ASB4: variants seen among roughly 807,000 people sequenced by gnomAD.
The protein encoded by ASB4 is ankyrin repeat and SOCS box containing 4.
ASB4 carries 35 observed loss-of-function variants against 38.6 expected under a neutral mutation model. The observed-to-expected ratio is 0.91, with a 90% CI of 0.69 to 1.20. ASB4 has a LOEUF of 1.20. Ranked by LOEUF, ASB4 falls within the 50% of genes most tolerant of loss-of-function variation. The pLI is 0.00. For synonymous variants in ASB4, 195 were observed against 201.3 expected (o/e 0.97, Z 0.26); for missense variants, 557 against 527.2 (o/e 1.06, Z -0.55).
In ASB4 at chr7:95,529,717, G is replaced by A. The variant is rs571802535; in HGVS notation, c.978+1414G>A. ...AGGGAACTACAAATGATTAAGATGA[G>A]GAATAGAATAAGAATAATGTTACAG... is the stretch of plus-strand genomic sequence containing the variant. On this transcript the variant is annotated intron_variant, in intron 3 of 4. Coordinates refer to ENST00000325885, the MANE Select transcript of ASB4 (RefSeq NM_016116.3). 1.2e-4 allele frequency among the ~76,000 whole-genome samples: 18 copies of A among 152,236 alleles called. No individual in the cohort carries two copies. In the East Asian group the frequency reaches 3.3e-3, roughly 28 times the overall value.
chr7:95,498,594 G>C (rs1222342209), intron 2 of ASB4, among the ~76,000 whole-genome samples: 1 of 152,128 alleles, frequency 6.6e-6, no homozygotes, highest in Non-Finnish European at 1.5e-5. Flanking sequence ...CCGAATACTA[G>C]TCATTTATCA....
At chr7:95,519,473 C>A (rs1210643188) in intron 2 of ASB4, among the ~76,000 whole-genome samples, 1 of 152,174 alleles carries the variant, frequency 6.6e-6, no homozygotes, top group Non-Finnish European at 1.5e-5. Flanking sequence ...GAATGCATGA[C>A]AAATGTGCTG....
intron 2 of ASB4, among the ~76,000 whole-genome samples, chr7:95,522,560 G>A (rs970298704): frequency 1.3e-5 from 2 of 152,154 alleles, no homozygotes; most frequent in Non-Finnish European, 2.9e-5. Context: ...AAGATTATGT[G>A]TAGATGATAC....
intron 2 of ASB4, 31 bp downstream of exon 2, chr7:95,496,088 T>G (rs1471547362): frequency 4.4e-6 from 7 of 1,589,622 alleles, no homozygotes; most frequent in Non-Finnish European, 5.2e-6. Flanking sequence ...AACATTGTTG[T>G]CTGCTTGTAC....
chr7:95,491,716 C>T (rs1190305275), intron 1 of ASB4, among the ~76,000 whole-genome samples: 1 of 152,154 alleles, frequency 6.6e-6, no homozygotes, highest in Non-Finnish European at 1.5e-5. Flanking sequence ...ATAGGCACAG[C>T]CTCATCTGTA....
rs1584092631 is a variant in ASB4 at position 95,528,147 on chromosome 7, T to C, written c.822T>C (p.Ala274=). 1.2e-6 allele frequency: 2 copies of C among 1,614,100 alleles called. No individual in the cohort carries two copies. Among genetic ancestry groups the C allele is most frequent in the Middle Eastern group, 1.6e-4 (1 of 6,084 alleles). The change falls in exon 3 of 5, where the codon GCT becomes GCC. Residue 274 remains alanine (A), a synonymous_variant. Transcript: ENST00000325885. ...DHVLMHMMLE[A]GAEANLMDIN... ...TGCTCATGCACATGATGCTGGAAGC[T>C]GGCGCCGAAGCCAATCTCATGGATA...
At chr7:95,532,959 T>G (rs935582872) in intron 3 of ASB4, among the ~76,000 whole-genome samples, 1 of 152,240 alleles carries the variant, frequency 6.6e-6, no homozygotes, top group African/African-American at 2.4e-5. Context: ...CACATCAGTC[T>G]GCTGTCTCAT....
chr7:95,536,461 C>T lies in ASB4; in HGVS notation c.1003C>T (p.Pro335Ser). 1 of 1,612,822 alleles carries T rather than the reference C, an allele frequency of 6.2e-7. No homozygotes were observed. Among genetic ancestry groups the T allele is most frequent in the Non-Finnish European group, 8.5e-7 (1 of 1,179,056 alleles). The change falls in exon 4 of 5, where the codon CCT (proline) becomes TCT (serine). Residue 335 changes from proline (P) to serine (S), a missense_variant. By Grantham distance (74) the Pro-to-Ser change is moderately conservative. Transcript: ENST00000325885. ...HKVIQACHSC[P>S]KAIEVVVNAY... The stretch of plus-strand genomic sequence containing the variant: ...GGTGATACAGGCCTGCCATTCTTGT[C>T]CTAAAGCAATTGAAGTTGTAGTCAA...
At chr7:95,533,568 C>A (rs1280834977) in intron 3 of ASB4, among the ~76,000 whole-genome samples, 1 of 152,120 alleles carries the variant, frequency 6.6e-6, no homozygotes, top group African/African-American at 2.4e-5. Context: ...CTTCATGACC[C>A]CCTTGATAAT....
intron 1 of ASB4, among the ~76,000 whole-genome samples, chr7:95,487,338 G>A (rs1790106809): frequency 6.6e-6 from 1 of 152,146 alleles, no homozygotes; most frequent in Non-Finnish European, 1.5e-5. Context: ...TAGAAAATTT[G>A]TATACTATAT....
At chr7:95,513,904 A>T (rs556653353) in intron 2 of ASB4, among the ~76,000 whole-genome samples, 1 of 152,280 alleles carries the variant, frequency 6.6e-6, no homozygotes, top group Admixed American at 6.5e-5. Context: ...ATTCTGGTCC[A>T]TTTCTCTAAT....
At chr7:95,472,497 T>G in the ASB4 span, among the ~76,000 whole-genome samples, 1 of 152,180 alleles carries the variant, frequency 6.6e-6, no homozygotes, top group Non-Finnish European at 1.5e-5. Context: ...CAAGGTTCTA[T>G]CTCCCTGTGA....
chr7:95,516,135 G>A (rs529706141), intron 2 of ASB4, among the ~76,000 whole-genome samples: 4 of 152,288 alleles, frequency 2.6e-5, no homozygotes, highest in African/African-American at 9.6e-5. Context: ...AAAAAAATCA[G>A]TCTTCCTCAG....
chr7:95,519,780 AG>A (rs1790634719), intron 2 of ASB4, among the ~76,000 whole-genome samples: 1 of 152,144 alleles, frequency 6.6e-6, no homozygotes, highest in South Asian at 2.1e-4. Context: ...GGCAGCCATT[AG>A]TGATTTACTA....
At chr7:95,549,220 A>T in the ASB4 span, among the ~76,000 whole-genome samples, 1 of 152,034 alleles carries the variant, frequency 6.6e-6, no homozygotes, top group Non-Finnish European at 1.5e-5. Context: ...CCATATTAAG[A>T]AAGTGGTTAA....
At chr7:95,503,823 G>A (rs1414258499) in intron 2 of ASB4, among the ~76,000 whole-genome samples, 1 of 152,148 alleles carries the variant, frequency 6.6e-6, no homozygotes, top group Non-Finnish European at 1.5e-5. Context: ...GTGGAAAAGT[G>A]CTCTTTGTGG....
At chr7:95,524,317 C>A (rs182232687) in intron 2 of ASB4, among the ~76,000 whole-genome samples, 219 of 152,244 alleles carry the variant, frequency 1.4e-3, no homozygotes, top group Non-Finnish European at 2.8e-3. Flanking sequence ...AACTAAACAG[C>A]ACAAGACAGA....
chr7:95,485,208 CA>C, upstream of ASB4, among the ~76,000 whole-genome samples: 1 of 152,090 alleles, frequency 6.6e-6, no homozygotes, highest in Non-Finnish European at 1.5e-5. Context: ...TTTATCATTA[CA>C]CTTCTATATT....
the ASB4 span, among the ~76,000 whole-genome samples, chr7:95,473,133 A>C: frequency 1.3e-5 from 2 of 152,188 alleles, no homozygotes; most frequent in African/African-American, 4.8e-5. Flanking sequence ...AGGAGAGAAA[A>C]AAAGTCAAAT....
Sources: gnomAD v4.1 joint callset for allele counts (sites outside exome capture counted in the v4.1 genomes callset) on GRCh38, gnomAD v4.1.1 for gene constraint, MANE v1.5 for transcripts, NCBI Gene and HGNC (gene_info 2026-07-23, HGNC 2026-07-21) for gene names.